ANK2: variants seen among roughly 807,000 people sequenced by gnomAD.
ANK2 encodes ankyrin 2.
ANK2 carries 83 observed loss-of-function variants against 360.5 expected under a neutral mutation model. That is an observed-to-expected ratio of 0.23 (90% CI 0.19 to 0.28). The LOEUF is 0.28. Among genes scored for constraint, ANK2 ranks in the 10% least tolerant of loss-of-function variants. The pLI is 1.00. For missense variants in ANK2, 4,201 were observed against 4,795.7 expected (o/e 0.88, Z 3.66); for synonymous variants, 1,740 against 1,759.5 (o/e 0.99, Z 0.28).
chr4:113,221,154 G>A (rs1340113129), intron 4 of ANK2, among the ~76,000 whole-genome samples: 1 of 152,190 alleles, frequency 6.6e-6, no homozygotes, highest in African/African-American at 2.4e-5. Flanking sequence ...TCTGCAGACA[G>A]GAAAATGCAA....
At chr4:112,918,004 G>A (rs547468494) in intron 2 of ANK2, among the ~76,000 whole-genome samples, 2 of 152,292 alleles carry the variant, frequency 1.3e-5, no homozygotes, top group South Asian at 2.1e-4. Flanking sequence ...TTGGAGTGCT[G>A]GAGATTTGGG....
chr4:112,943,061 C>T (rs1256394531), intron 2 of ANK2, among the ~76,000 whole-genome samples: 1 of 152,082 alleles, frequency 6.6e-6, no homozygotes, highest in Non-Finnish European at 1.5e-5. Flanking sequence ...TGCTTCCACT[C>T]TCACTCCATT....
At chr4:112,788,294 T>A in the ANK2 span, 4 of 1,574,356 alleles carry the variant, frequency 2.5e-6, no homozygotes, top group Non-Finnish European at 3.5e-6. Flanking sequence ...GGTGCAGGTC[T>A]TCCTGTGGAC....
intron 14 of ANK2, among the ~76,000 whole-genome samples, chr4:113,274,184 A>C (rs923965621): frequency 1.3e-5 from 2 of 152,216 alleles, no homozygotes; most frequent in African/African-American, 4.8e-5. Context: ...TGAGGCCTAA[A>C]GCCTTAATGA....
At chr4:112,866,321 A>G (rs1355428033) in intron 1 of ANK2, among the ~76,000 whole-genome samples, 3 of 152,186 alleles carry the variant, frequency 2.0e-5, no homozygotes, top group Non-Finnish European at 2.9e-5. Context: ...ATCACAGTAG[A>G]GGTTATAGTG....
chr4:112,954,541 C>A (rs998394765), intron 2 of ANK2, among the ~76,000 whole-genome samples: 1 of 152,086 alleles, frequency 6.6e-6, no homozygotes, highest in African/African-American at 2.4e-5. Context: ...GGCTTTTGGG[C>A]TTCATTCAAC....
At chr4:113,061,355 A>C (rs1364446800) in intron 1 of ANK2, among the ~76,000 whole-genome samples, 1 of 152,108 alleles carries the variant, frequency 6.6e-6, no homozygotes. Context: ...TGGGAGACTA[A>C]AGCTCCTCCC....
the ANK2 span, among the ~76,000 whole-genome samples, chr4:112,754,913 G>A: frequency 3.9e-5 from 6 of 152,158 alleles, no homozygotes; most frequent in Non-Finnish European, 5.9e-5. Context: ...CTGGAGGAGG[G>A]AGAAAGATGA....
At chr4:113,307,469 G>A (rs1389697095) in intron 23 of ANK2, among the ~76,000 whole-genome samples, 1 of 141,320 alleles carries the variant, frequency 7.1e-6, no homozygotes, top group Non-Finnish European at 1.5e-5. Flanking sequence ...AGGCTGGAGT[G>A]CAGTGGTGTG....
intron 4 of ANK2, among the ~76,000 whole-genome samples, chr4:113,205,546 T>G (rs537926441): frequency 2.5e-4 from 38 of 152,328 alleles, no homozygotes; most frequent in African/African-American, 8.7e-4. Flanking sequence ...AAATATTGTT[T>G]CAAAAGAAGG....
chr4:112,757,885 ATT>A, the ANK2 span, among the ~76,000 whole-genome samples: 1 of 147,176 alleles, frequency 6.8e-6, no homozygotes, highest in African/African-American at 2.6e-5. Context: ...CTAAAGATGG[ATT>A]TTTTTTTTTT....
intron 4 of ANK2, among the ~76,000 whole-genome samples, chr4:113,227,577 A>G (rs2153516969): frequency 6.6e-6 from 1 of 152,330 alleles, no homozygotes; most frequent in East Asian, 1.9e-4. Flanking sequence ...ATGAGGTGGT[A>G]GAGTGGTACC....
chr4:113,097,910 G>GTATA (rs137973621), intron 1 of ANK2, among the ~76,000 whole-genome samples: 1 of 139,902 alleles, frequency 7.1e-6, no homozygotes. Flanking sequence ...ACATATATAT[G>GTATA]TATATATACA....
At chr4:113,203,138 T>C (rs1421177478) in intron 4 of ANK2, among the ~76,000 whole-genome samples, 1 of 152,240 alleles carries the variant, frequency 6.6e-6, no homozygotes, top group Non-Finnish European at 1.5e-5. Flanking sequence ...CAAAGTCACT[T>C]GCAGAAGATC....
chr4:113,228,467 A>G (rs2099251569), intron 4 of ANK2, among the ~76,000 whole-genome samples: 1 of 152,198 alleles, frequency 6.6e-6, no homozygotes, highest in Non-Finnish European at 1.5e-5. Flanking sequence ...TTCTTCACTT[A>G]TAATAATGGT....
intron 2 of ANK2, among the ~76,000 whole-genome samples, chr4:112,908,087 A>C (rs1383989625): frequency 6.6e-6 from 1 of 152,206 alleles, no homozygotes; most frequent in Non-Finnish European, 1.5e-5. Context: ...GAAGTTTTCA[A>C]GAAAACCATA....
At chr4:112,780,488 T>C in the ANK2 span, among the ~76,000 whole-genome samples, 1 of 152,194 alleles carries the variant, frequency 6.6e-6, no homozygotes, top group Admixed American at 6.5e-5. Context: ...ATATGTTGAG[T>C]TAGCTGTAGA....
chr4:112,748,908 T>G, the ANK2 span, among the ~76,000 whole-genome samples: 1 of 152,214 alleles, frequency 6.6e-6, no homozygotes, highest in Non-Finnish European at 1.5e-5. Context: ...TATTTATTTA[T>G]TTATTTTGTA....
At chr4:113,377,523 G>A (rs901603559) in intron 45 of ANK2, among the ~76,000 whole-genome samples, 1 of 152,034 alleles carries the variant, frequency 6.6e-6, no homozygotes, top group Admixed American at 6.5e-5. Flanking sequence ...TTTGACTAAG[G>A]GATCCTGGGC....
Sources: gnomAD v4.1 joint callset for allele counts (sites outside exome capture counted in the v4.1 genomes callset) on GRCh38, gnomAD v4.1.1 for gene constraint, MANE v1.5 for transcripts, NCBI Gene and HGNC (gene_info 2026-07-23, HGNC 2026-07-21) for gene names.